The following CHN2 variants were observed in gnomAD, a reference collection of about 807,000 sequenced individuals.
CHN2 encodes the protein chimerin 2, also known as beta-chimaerin.
In CHN2, 35 loss-of-function variants were observed where a neutral mutation model predicts 56.3. The ratio of observed to expected loss-of-function variants is 0.62; its 90% CI spans 0.47 to 0.82. CHN2 has a LOEUF of 0.82. Among genes scored for constraint, CHN2 ranks in the 40% least tolerant of loss-of-function variants. The probability of loss-of-function intolerance (pLI) is 0.00; values close to 1 mark genes in which losing one functional copy is unlikely to be tolerated. For missense variants in CHN2, 491 were observed against 580.5 expected (o/e 0.85, Z 1.58); for synonymous variants, 210 against 212.8 (o/e 0.99, Z 0.12).
intron 6 of CHN2, among the ~76,000 whole-genome samples, chr7:29,449,696 A>T (rs750551481): frequency 6.6e-6 from 1 of 152,236 alleles, no homozygotes; most frequent in Non-Finnish European, 1.5e-5. Flanking sequence ...GTTAACTCAA[A>T]TAAATGTGGG....
intron 4 of CHN2, chr7:29,397,742 A>G (rs763306863): frequency 6.6e-6 from 1 of 152,322 alleles, no homozygotes; most frequent in Non-Finnish European, 1.5e-5. Context: ...CCTCCCGGAT[A>G]TGCCACATTT....
intron 1 of CHN2, among the ~76,000 whole-genome samples, chr7:29,227,537 A>G (rs1289117385): frequency 6.6e-6 from 1 of 152,128 alleles, no homozygotes; most frequent in Non-Finnish European, 1.5e-5. Flanking sequence ...AACCTCAGGG[A>G]TTGGGCCAGA....
chr7:29,339,385 C>T (rs1371182023), intron 1 of CHN2, among the ~76,000 whole-genome samples: 1 of 152,126 alleles, frequency 6.6e-6, no homozygotes, highest in African/African-American at 2.4e-5. Context: ...CTCTTCCAGA[C>T]CTGTTTCATG....
chr7:29,449,494 G>A (rs1182679584), intron 6 of CHN2, among the ~76,000 whole-genome samples: 1 of 152,194 alleles, frequency 6.6e-6, no homozygotes, highest in Non-Finnish European at 1.5e-5. Flanking sequence ...ATATGGGAAA[G>A]TTCGTACTAC....
At position 29,271,769 on chromosome 7, in the gene CHN2, C is replaced by T. The variant is rs141287068; in HGVS notation, c.49+76779C>T. 1.6e-3 allele frequency among the ~76,000 whole-genome samples: 237 copies of T among 152,282 alleles called. 1 individual carries two copies. The Middle Eastern group carries it at 0.017, about 11-fold the overall frequency. On this transcript the variant is annotated intron_variant, in intron 1 of 12. Coordinates refer to ENST00000222792, the MANE Select transcript of CHN2 (RefSeq NM_004067.4). The stretch of plus-strand genomic sequence containing the variant: ...TTCTCATCAAACATTCTCATTGCCT[C>T]TGAAAAGCAGGCCAAGTAAGAGACG...
At chr7:29,247,720 A>G (rs1229014346) in intron 1 of CHN2, among the ~76,000 whole-genome samples, 1 of 152,214 alleles carries the variant, frequency 6.6e-6, no homozygotes, top group African/African-American at 2.4e-5. Context: ...CCTTGGTGGT[A>G]TCACCGCCTG....
intron 6 of CHN2, among the ~76,000 whole-genome samples, chr7:29,442,290 C>G (rs1017056853): frequency 6.6e-6 from 1 of 152,128 alleles, no homozygotes; most frequent in African/African-American, 2.4e-5. Flanking sequence ...TCTCATGACT[C>G]AAATGGGTGC....
intron 1 of CHN2, among the ~76,000 whole-genome samples, chr7:29,211,669 C>G (rs1051166080): frequency 6.6e-6 from 1 of 152,046 alleles, no homozygotes; most frequent in African/African-American, 2.4e-5. Context: ...GAAATTGGTC[C>G]AGAACTCCAA....
At chr7:29,409,094 C>T (rs1413272155) in intron 6 of CHN2, among the ~76,000 whole-genome samples, 1 of 152,234 alleles carries the variant, frequency 6.6e-6, no homozygotes, top group African/African-American at 2.4e-5. Context: ...GATCAGGCTA[C>T]ACAGTGGCTT....
At chr7:29,511,160 G>GAGATTTT (rs1791314365) in intron 12 of CHN2, among the ~76,000 whole-genome samples, 1 of 5,588 alleles carries the variant, frequency 1.8e-4, no homozygotes, top group Admixed American at 1.2e-3. Flanking sequence ...ACGGAGGACT[G>GAGATTTT]TATAAACAGT....
At chr7:29,477,574 G>T (rs1786699413) in intron 6 of CHN2, among the ~76,000 whole-genome samples, 1 of 152,358 alleles carries the variant, frequency 6.6e-6, no homozygotes, top group East Asian at 1.9e-4. Flanking sequence ...AGCAGTGAAG[G>T]TTGGGAAAGG....
chr7:29,375,179 C>T (rs1254899856), intron 3 of CHN2, among the ~76,000 whole-genome samples: 7 of 142,498 alleles, frequency 4.9e-5, no homozygotes, highest in East Asian at 2.1e-4. Flanking sequence ...CATGAGCCAC[C>T]GTGCTCGGCC....
intron 1 of CHN2, among the ~76,000 whole-genome samples, chr7:29,250,811 A>C (rs1333488453): frequency 1.3e-5 from 2 of 151,670 alleles, no homozygotes; most frequent in African/African-American, 2.4e-5. Flanking sequence ...CCAGGGTTCA[A>C]GCGATTCTCC....
intron 6 of CHN2, among the ~76,000 whole-genome samples, chr7:29,405,222 C>CACAT (rs56116764): frequency 6.8e-6 from 1 of 146,404 alleles, no homozygotes; most frequent in East Asian, 2.0e-4. Context: ...CACACACACA[C>CACAT]GGCAGTTCCA....
chr7:29,292,656 CGTT>C (rs1554393736), intron 1 of CHN2, among the ~76,000 whole-genome samples: 1 of 152,150 alleles, frequency 6.6e-6, no homozygotes, highest in Non-Finnish European at 1.5e-5. Context: ...AAAACTGGAT[CGTT>C]GTCAGTAAAA....
chr7:29,436,266 C>T (rs1159465735), intron 6 of CHN2, among the ~76,000 whole-genome samples: 2 of 152,160 alleles, frequency 1.3e-5, no homozygotes, highest in African/African-American at 4.8e-5. Flanking sequence ...AGAGACCACG[C>T]TTTGACCAGT....
At chr7:29,492,821 T>A (rs1015465830) in intron 7 of CHN2, among the ~76,000 whole-genome samples, 3 of 152,160 alleles carry the variant, frequency 2.0e-5, no homozygotes, top group Admixed American at 2.0e-4. Flanking sequence ...TGTATCTGAG[T>A]CAATATTTAG....
intron 6 of CHN2, among the ~76,000 whole-genome samples, chr7:29,431,640 ACTGT>A (rs1284991900): frequency 7.2e-5 from 11 of 152,198 alleles, no homozygotes; most frequent in Non-Finnish European, 1.0e-4. Flanking sequence ...CTTCTTCTAA[ACTGT>A]CTGCTAAACC....
At chr7:29,244,902 A>G (rs1173703025) in intron 1 of CHN2, among the ~76,000 whole-genome samples, 4 of 152,184 alleles carry the variant, frequency 2.6e-5, no homozygotes, top group African/African-American at 9.7e-5. Flanking sequence ...TGTTCATGAG[A>G]TAAGTACTGA....
Sources: gnomAD v4.1 joint callset for allele counts (sites outside exome capture counted in the v4.1 genomes callset) on GRCh38, gnomAD v4.1.1 for gene constraint, MANE v1.5 for transcripts, NCBI Gene and HGNC (gene_info 2026-07-23, HGNC 2026-07-21) for gene names.